Variants in KHDRBS2 observed in about 807,000 individuals in gnomAD.
The protein encoded by KHDRBS2 is KH domain-containing, RNA-binding, signal transduction-associated protein 2.
Under a neutral mutation model 44.3 loss-of-function variants are expected in KHDRBS2, and 26 were observed. That is an observed-to-expected ratio of 0.59 (90% CI 0.43 to 0.81). The LOEUF (loss-of-function observed/expected upper bound fraction) is 0.81. Among genes scored for constraint, KHDRBS2 ranks in the 40% least tolerant of loss-of-function variants. The pLI is 0.00. For missense variants in KHDRBS2, 476 were observed against 433.1 expected (o/e 1.10, Z -0.88); for synonymous variants, 194 against 151.1 (o/e 1.28, Z -2.08).
At chr6:61,974,977 TAAATA>T (rs1250322585) in intron 4 of KHDRBS2, among the ~76,000 whole-genome samples, 9 of 134,012 alleles carry the variant, frequency 6.7e-5, no homozygotes, top group African/African-American at 2.6e-4. Flanking sequence ...AATAAATAAA[TAAATA>T]AAAGACTACA....
intron 1 of KHDRBS2, among the ~76,000 whole-genome samples, chr6:62,219,782 A>C: frequency 6.7e-6 from 1 of 148,438 alleles, no homozygotes; most frequent in South Asian, 2.1e-4. Context: ...TTTTATATAT[A>C]TATTTTTATT....
chr6:62,250,185 G>T (rs1442666813), intron 1 of KHDRBS2, among the ~76,000 whole-genome samples: 2 of 152,070 alleles, frequency 1.3e-5, no homozygotes, highest in Non-Finnish European at 2.9e-5. Context: ...ACTTATAAAA[G>T]AGGACAAACG....
intron 6 of KHDRBS2, among the ~76,000 whole-genome samples, chr6:61,841,192 C>T (rs552170621): frequency 6.2e-4 from 95 of 152,214 alleles, no homozygotes; most frequent in African/African-American, 2.2e-3. Flanking sequence ...TTTCAACTTA[C>T]TCTTCTTTAC....
chr6:61,681,132 T>C, intron 8 of KHDRBS2, 72 bp from the exon 9 acceptor site: 1 of 1,017,764 alleles, frequency 9.8e-7, no homozygotes, highest in Non-Finnish European at 1.5e-6. Context: ...TAAGACACAA[T>C]AGTTGACCGA....
intron 5 of KHDRBS2, 51 bp downstream of exon 5, chr6:61,901,193 A>G: frequency 1.3e-6 from 2 of 1,577,954 alleles, no homozygotes; most frequent in African/African-American, 2.7e-5. Flanking sequence ...AAAGCAGGAC[A>G]AAAAAGGCCT....
At chr6:61,634,635 G>T in the KHDRBS2 span, among the ~76,000 whole-genome samples, 1 of 151,910 alleles carries the variant, frequency 6.6e-6, no homozygotes. Context: ...ATTTATTTTA[G>T]GAAAGCATCT....
rs367558360 is a variant in KHDRBS2, at chr6:62,156,914, G to A, written c.219+20271C>T. 2.2e-3 allele frequency among the ~76,000 whole-genome samples: 328 copies of A among 146,610 alleles called. 1 individual carries two copies. Among genetic ancestry groups the A allele is most frequent in the African/African-American group, 7.4e-3 (295 of 40,132 alleles). ...GTTAGCCAGGATGGTCTTGATCTCC[G>A]GACCTCGTGATCCGCCCGCCTCGGC... On this transcript the variant is annotated intron_variant, in intron 2 of 8. Coordinates refer to ENST00000281156, the MANE Select transcript of KHDRBS2 (RefSeq NM_152688.4).
chr6:62,093,068 T>A (rs2127365353), intron 2 of KHDRBS2, among the ~76,000 whole-genome samples: 1 of 152,170 alleles, frequency 6.6e-6, no homozygotes, highest in South Asian at 2.1e-4. Context: ...TATTTGTATG[T>A]CTTATTCAAC....
rs150721991 is a variant in KHDRBS2 at position 62,123,534 on chromosome 6, T to C, written c.219+53651A>G. ...ATAAAACATGCCACAAAATGTATCC[T>C]GCACCCTTTAATCCTGCCTACTGTT... On this transcript the variant is annotated intron_variant, in intron 2 of 8. Coordinates refer to ENST00000281156, the MANE Select transcript of KHDRBS2 (RefSeq NM_152688.4). Among the ~76,000 whole-genome samples the C allele has an allele frequency of 7.2e-3, 1,103 of 152,326 alleles. 12 individuals carry two copies. The highest frequency in any genetic ancestry group is 0.026 in the African/African-American group (1,068 of 41,572).
chr6:61,954,457 G>GCA (rs1765603372), intron 4 of KHDRBS2, among the ~76,000 whole-genome samples: 1 of 137,218 alleles, frequency 7.3e-6, no homozygotes, highest in African/African-American at 2.6e-5. Flanking sequence ...ACGTATGTAT[G>GCA]TATGTATACG....
intron 2 of KHDRBS2, among the ~76,000 whole-genome samples, chr6:62,169,178 T>TAC (rs1562992065): frequency 7.0e-6 from 1 of 143,538 alleles, no homozygotes; most frequent in Non-Finnish European, 1.5e-5. Flanking sequence ...TATGTATATA[T>TAC]GTATATATAC....
At chr6:62,210,803 T>C (rs1053427123) in intron 1 of KHDRBS2, among the ~76,000 whole-genome samples, 1 of 152,072 alleles carries the variant, frequency 6.6e-6, no homozygotes, top group South Asian at 2.1e-4. Context: ...TTCATTGATA[T>C]TAAAGATGAG....
chr6:61,768,008 T>G (rs1451557761), intron 6 of KHDRBS2, among the ~76,000 whole-genome samples: 4 of 152,140 alleles, frequency 2.6e-5, no homozygotes, highest in Non-Finnish European at 5.9e-5. Flanking sequence ...GGTAAAGTCC[T>G]TTTCTTTCAG....
In KHDRBS2 at chr6:62,279,589, G is replaced by C. The variant is rs577886029; in HGVS notation, c.91+6269C>G. ...AAGAATTGCATGTTGCAATGTAGTA[G>C]TGGTGGATAGGTTGAAAATAAAACC... On this transcript the variant is annotated intron_variant, in intron 1 of 8. Coordinates refer to ENST00000281156, the MANE Select transcript of KHDRBS2 (RefSeq NM_152688.4). Among the ~76,000 whole-genome samples, 3 of 152,282 alleles carry C rather than the reference G, an allele frequency of 2.0e-5. No individual in the cohort carries two copies. The South Asian group carries it at 6.2e-4, about 32-fold the overall frequency.
intron 2 of KHDRBS2, among the ~76,000 whole-genome samples, chr6:62,124,598 C>CACACAG (rs1808497915): frequency 6.6e-6 from 1 of 151,612 alleles, no homozygotes; most frequent in South Asian, 2.1e-4. Flanking sequence ...CACACACACA[C>CACACAG]ACACACACAC....
At chr6:61,657,741 GAA>G in the KHDRBS2 span, among the ~76,000 whole-genome samples, 1 of 151,922 alleles carries the variant, frequency 6.6e-6, no homozygotes, top group African/African-American at 2.4e-5. Context: ...CATAAACTTA[GAA>G]CGAGAACTCT....
the KHDRBS2 span, among the ~76,000 whole-genome samples, chr6:61,560,990 G>A: frequency 1.2e-4 from 18 of 152,118 alleles, no homozygotes; most frequent in South Asian, 3.3e-3. Context: ...CAGGTACTTG[G>A]GTGCTGTGAT....
chr6:62,050,513 G>C (rs564020838), intron 2 of KHDRBS2, among the ~76,000 whole-genome samples: 21 of 151,690 alleles, frequency 1.4e-4, no homozygotes, highest in Admixed American at 1.2e-3. Context: ...CACAGGCTGA[G>C]AGAAAACACT....
rs185682927 is a variant in KHDRBS2, at chr6:61,711,204, T to C, written c.894-13951A>G. 2.2e-3 allele frequency among the ~76,000 whole-genome samples: 336 copies of C among 151,784 alleles called. 2 individuals carry two copies. Among genetic ancestry groups the C allele is most frequent in the African/African-American group, 7.9e-3 (326 of 41,458 alleles). On this transcript the variant is annotated intron_variant, in intron 7 of 8. Transcript: ENST00000281156. ...ACAGACACATAGATTTGTGGCTATG[T>C]TTACAACTGTTCTTATGGAACTTTA...
Sources: allele counts gnomAD v4.1 joint callset (sites outside exome capture counted in the v4.1 genomes callset), GRCh38; gene constraint gnomAD v4.1.1; transcripts MANE v1.5; gene names NCBI Gene and HGNC (gene_info 2026-07-23, HGNC 2026-07-21).